Variants in STX8 observed in about 807,000 individuals in gnomAD.
STX8 encodes syntaxin-8.
A neutral mutation model predicts 37.5 loss-of-function variants in STX8; 23 were observed. The observed-to-expected ratio is 0.61, with a 90% CI of 0.44 to 0.87. STX8 has a LOEUF of 0.87. Ranked by LOEUF, STX8 falls within the 40% of genes least tolerant of loss-of-function variation. The pLI, the probability that STX8 is intolerant of heterozygous loss-of-function variation, is 0.00. For missense variants in STX8, 313 were observed against 284.7 expected (o/e 1.10, Z -0.71); for synonymous variants, 115 against 99.1 (o/e 1.16, Z -0.95).
intron 7 of STX8, among the ~76,000 whole-genome samples, chr17:9,276,448 G>A (rs1907680065): frequency 6.6e-6 from 1 of 152,034 alleles, no homozygotes; most frequent in African/African-American, 2.4e-5. Flanking sequence ...TTAAACGAGG[G>A]ACAGATTTTG....
At chr17:9,434,677 G>A (rs1342639357) in intron 6 of STX8, among the ~76,000 whole-genome samples, 1 of 152,226 alleles carries the variant, frequency 6.6e-6, no homozygotes, top group Non-Finnish European at 1.5e-5. Context: ...AGAATTCAAG[G>A]GTGAGCCAGA....
chr17:9,439,201 A>C (rs1904552226), intron 6 of STX8, among the ~76,000 whole-genome samples: 1 of 152,134 alleles, frequency 6.6e-6, no homozygotes, highest in Non-Finnish European at 1.5e-5. Context: ...TGCTGGTTTC[A>C]CCTGGGCCTG....
chr17:9,256,345 G>T (rs1301509579), intron 7 of STX8, among the ~76,000 whole-genome samples: 1 of 152,194 alleles, frequency 6.6e-6, no homozygotes, highest in African/African-American at 2.4e-5. Context: ...CACTGGGGTT[G>T]AAACACCGGG....
chr17:9,293,892 C>G (rs985219862), intron 7 of STX8, among the ~76,000 whole-genome samples: 7 of 151,698 alleles, frequency 4.6e-5, no homozygotes, highest in Non-Finnish European at 7.4e-5. Flanking sequence ...CTCCCAAGTA[C>G]CTGGGACTAC....
At chr17:9,431,350 T>G (rs1008005080) in intron 6 of STX8, among the ~76,000 whole-genome samples, 2 of 151,800 alleles carry the variant, frequency 1.3e-5, no homozygotes, top group African/African-American at 4.8e-5. Flanking sequence ...ATTACAGGTG[T>G]GAGCCACTGC....
chr17:9,337,961 G>C (rs111747542), intron 7 of STX8, among the ~76,000 whole-genome samples: 3 of 151,874 alleles, frequency 2.0e-5, no homozygotes, highest in Admixed American at 6.6e-5. Context: ...AGGAAGATTC[G>C]GCCTGAGACT....
intron 7 of STX8, among the ~76,000 whole-genome samples, chr17:9,357,021 G>A (rs1035905534): frequency 2.3e-5 from 3 of 131,086 alleles, no homozygotes; most frequent in Non-Finnish European, 4.6e-5. Context: ...CGGCTGAAGT[G>A]CAGTGGCATG....
At position 9,497,334 on chromosome 17, in the gene STX8, T is replaced by C. The variant is rs550759359; in HGVS notation, c.449-5413A>G. ...AGTATTTGATTAGATTCAGGAAATA[T>C]TGTTAACTTCTTAAGGATGATAATG... On this transcript the variant is annotated intron_variant, in intron 5 of 7. Transcript: ENST00000306357. Among the ~76,000 whole-genome samples, 48 of 152,328 alleles carry C rather than the reference T, an allele frequency of 3.2e-4. 2 individuals are homozygous for C. Among genetic ancestry groups the C allele is most frequent in the South Asian group, 2.1e-4 (1 of 4,832 alleles).
chr17:9,359,560 T>C (rs1846684472), intron 7 of STX8, among the ~76,000 whole-genome samples: 2 of 142,508 alleles, frequency 1.4e-5, no homozygotes, highest in Admixed American at 1.5e-4. Flanking sequence ...CAGGCTGGAG[T>C]GCAGTGGTGC....
chr17:9,337,884 C>T (rs1300701861), intron 7 of STX8, among the ~76,000 whole-genome samples: 1 of 151,758 alleles, frequency 6.6e-6, no homozygotes, highest in Admixed American at 6.6e-5. Context: ...GGATCCTAGT[C>T]CATGGAAGAG....
intron 6 of STX8, among the ~76,000 whole-genome samples, chr17:9,464,543 AAAC>A (rs1905526902): frequency 2.0e-5 from 3 of 152,202 alleles, no homozygotes; most frequent in Non-Finnish European, 4.4e-5. Context: ...TCTAGTACTT[AAAC>A]ACTGAGATTT....
At chr17:9,271,668 T>G (rs1377630518) in intron 7 of STX8, among the ~76,000 whole-genome samples, 2 of 148,960 alleles carry the variant, frequency 1.3e-5, no homozygotes, top group Non-Finnish European at 3.0e-5. Context: ...GAGAATCACT[T>G]GAACTGGGGA....
In STX8 at chr17:9,414,112, A is replaced by G. The variant is rs1300526182; in HGVS notation, c.542-35459T>C. 2.9e-4 allele frequency among the ~76,000 whole-genome samples: 22 copies of G among 75,642 alleles called. 1 individual carries two copies. Among genetic ancestry groups the G allele is most frequent in the African/African-American group, 8.1e-4 (18 of 22,266 alleles). 49.6% of individuals were successfully genotyped at this position (75,642 alleles called of 152,430 possible). A position where few individuals can be genotyped will look rare whatever the true frequency, so the allele number is the denominator to read the frequency against. On this transcript the variant is annotated intron_variant, in intron 6 of 7. Transcript: ENST00000306357. Reference sequence around the variant, plus strand: ...CATCCATCCATCCATCCATCCATCCATCCATCCATCCATCCAACCATCCAT... The same window carrying G: ...CATCCATCCATCCATCCATCCATCCGTCCATCCATCCATCCAACCATCCAT...
chr17:9,447,084 T>C (rs1256157041), intron 6 of STX8, among the ~76,000 whole-genome samples: 1 of 152,220 alleles, frequency 6.6e-6, no homozygotes, highest in Non-Finnish European at 1.5e-5. Flanking sequence ...CTTGGATTCT[T>C]TACCCACCGT....
chr17:9,331,553 T>C (rs1597609107), intron 7 of STX8, among the ~76,000 whole-genome samples: 1 of 152,136 alleles, frequency 6.6e-6, no homozygotes, highest in Non-Finnish European at 1.5e-5. Flanking sequence ...CGAGGCCGGG[T>C]GTCCTGCAGG....
intron 6 of STX8, among the ~76,000 whole-genome samples, chr17:9,408,100 G>A (rs528582967): frequency 1.3e-5 from 2 of 151,998 alleles, no homozygotes; most frequent in Non-Finnish European, 2.9e-5. Flanking sequence ...GTTAAGTCAC[G>A]ATATATATAA....
intron 6 of STX8, among the ~76,000 whole-genome samples, chr17:9,391,030 G>C (rs148833440): frequency 1.9e-3 from 293 of 152,240 alleles, no homozygotes; most frequent in African/African-American, 5.7e-3. Flanking sequence ...TCAAAGTTAA[G>C]TTTCTTGGAT....
At chr17:9,513,719 C>T (rs767552276) in intron 4 of STX8, among the ~76,000 whole-genome samples, 22 of 152,180 alleles carry the variant, frequency 1.4e-4, no homozygotes, top group Non-Finnish European at 3.1e-4. Flanking sequence ...GATATCCACA[C>T]CCACATGTTT....
chr17:9,330,557 TTGA>T (rs1220528529), intron 7 of STX8, among the ~76,000 whole-genome samples: 3 of 152,220 alleles, frequency 2.0e-5, no homozygotes, highest in Admixed American at 2.0e-4. Flanking sequence ...CACTTTTTTG[TTGA>T]TGATCACCAT....
Sources: gnomAD v4.1 joint callset for allele counts (sites outside exome capture counted in the v4.1 genomes callset) on GRCh38, gnomAD v4.1.1 for gene constraint, MANE v1.5 for transcripts, NCBI Gene and HGNC (gene_info 2026-07-23, HGNC 2026-07-21) for gene names.